The following RNF213 variants were observed in gnomAD, a reference collection of about 807,000 sequenced individuals.
RNF213 encodes the protein ring finger protein 213, also known as E3 ubiquitin-protein ligase RNF213.
In RNF213, 341 loss-of-function variants were observed where a neutral mutation model predicts 514.4. The observed-to-expected ratio is 0.66, with a 90% confidence interval of 0.61 to 0.73. The LOEUF (loss-of-function observed/expected upper bound fraction) is 0.73. Ranked by LOEUF, RNF213 falls within the 30% of genes least tolerant of loss-of-function variation. The pLI, the probability that RNF213 is intolerant of heterozygous loss-of-function variation, is 0.00. For synonymous variants in RNF213, 2,655 were observed against 2,658.2 expected (o/e 1.00, Z 0.04); for missense variants, 5,767 against 6,615.6 (o/e 0.87, Z 4.45).
In RNF213 at chr17:80,376,359, T is replaced by C. The variant is rs760716218; in HGVS notation, c.13244T>C (p.Ile4415Thr). The change falls in exon 52 of 68, where the codon ATC becomes ACC. Residue 4415 changes from isoleucine (I) to threonine (T), a missense_variant. Physicochemically the swap from Ile to Thr is moderately conservative, Grantham distance 89 (BLOSUM62 -1). Coordinates refer to ENST00000582970, the MANE Select transcript of RNF213 (RefSeq NM_001256071.3). ...GECKILSPPD[I>T]SRFATSLVDN... ...TGCAAGATCCTTTCACCTCCTGATA[T>C]CAGCCGTTTTGCAACATCGCTCGTG... 1.2e-6 allele frequency: 2 copies of C among 1,614,222 alleles called. No individual in the cohort carries two copies. The highest frequency in any genetic ancestry group is 1.7e-6 in the Non-Finnish European group (2 of 1,180,022).
chr17:80,339,079 G>GTCTC, intron 25 of RNF213, 122 bp from the exon 26 acceptor site: 1 of 624,458 alleles, frequency 1.6e-6, no homozygotes, highest in Non-Finnish European at 2.5e-6. Flanking sequence ...TGTGAGCGCA[G>GTCTC]ATCATGCAGT....
In RNF213 at chr17:80,298,413, T is replaced by C. The variant is rs1343681289; in HGVS notation, c.2105T>C (p.Met702Thr). The C allele has an allele frequency of 6.2e-7, 1 of 1,614,078 alleles. No individual in the cohort carries two copies. The highest frequency in any genetic ancestry group is 2.2e-5 in the East Asian group (1 of 44,890). Reference protein sequence around the residue: ...LGALPVLHCCMELAPRHKDAW... With the variant: ...LGALPVLHCCTELAPRHKDAW... ...GCCCTGCCTGTCCTGCACTGCTGTA[T>C]GGAGCTGGCCCCGCGGCACAAGGAT... Residue 702 changes from methionine to threonine, a missense_variant, in exon 11 of 68, where the codon ATG becomes ACG. This residue lies in a region of RNF213 where 592 missense variants were observed against 673.9 expected (regional missense o/e 0.88). Transcript: ENST00000582970.
intron 67 of RNF213, among the ~76,000 whole-genome samples, chr17:80,390,886 ACT>A (rs988275162): frequency 1.3e-5 from 2 of 150,824 alleles, no homozygotes; most frequent in African/African-American, 2.4e-5. Context: ...AACTGGTGAA[ACT>A]CTGTTTCTAC....
intron 58 of RNF213, 144 bp from the exon 59 acceptor site, chr17:80,383,533 C>CT (rs2080107736): frequency 5.0e-6 from 4 of 804,690 alleles, no homozygotes; most frequent in Non-Finnish European, 6.2e-6. Context: ...ATTAGAAGAT[C>CT]AAAGGGAATA....
chr17:80,390,784 C>T (rs1393000164), intron 67 of RNF213, among the ~76,000 whole-genome samples: 1 of 152,062 alleles, frequency 6.6e-6, no homozygotes, highest in Admixed American at 6.5e-5. Context: ...CTATCCTAGG[C>T]CGGGTGTGGA....
chr17:80,356,696 C>T (rs1365043263), intron 36 of RNF213, among the ~76,000 whole-genome samples: 4 of 152,272 alleles, frequency 2.6e-5, no homozygotes, highest in Non-Finnish European at 5.9e-5. Flanking sequence ...CCTCTCCCAG[C>T]GCTTGTCCCA....
At chr17:80,330,779 C>T (rs2046391897) in intron 20 of RNF213, among the ~76,000 whole-genome samples, 1 of 152,198 alleles carries the variant, frequency 6.6e-6, no homozygotes, top group Non-Finnish European at 1.5e-5. Context: ...GGTCCACCTG[C>T]TGTGTCAGGG....
At chr17:80,316,623 C>A in intron 15 of RNF213, 1 of 184,720 alleles carries the variant, frequency 5.4e-6, no homozygotes. Flanking sequence ...GTTGCACGTC[C>A]TGAGTGGGAA....
intron 1 of RNF213, among the ~76,000 whole-genome samples, chr17:80,262,663 G>A (rs923890753): frequency 5.3e-5 from 8 of 152,210 alleles, no homozygotes; most frequent in African/African-American, 1.9e-4. Context: ...CTGAGTATGT[G>A]GTTGCTCTGA....
At chr17:80,269,303 T>G (rs756586534) in intron 2 of RNF213, among the ~76,000 whole-genome samples, 2 of 152,110 alleles carry the variant, frequency 1.3e-5, no homozygotes, top group Non-Finnish European at 2.9e-5. Flanking sequence ...TTCAACCCAA[T>G]CAAATTGACA....
At chr17:80,298,289 C>T (rs1028867091) in intron 10 of RNF213, 32 bp from the exon 11 acceptor site, 1 of 1,610,484 alleles carries the variant, frequency 6.2e-7, no homozygotes, top group African/African-American at 1.3e-5. Flanking sequence ...CTGGCCAGCT[C>T]AGCTCACTGC....
intron 50 of RNF213, 34 bp downstream of exon 50, chr17:80,374,623 G>A (rs754028056): frequency 3.1e-6 from 5 of 1,612,798 alleles, no homozygotes; most frequent in Non-Finnish European, 4.2e-6. Context: ...TCTGATACCA[G>A]GTGGCATCCC....
rs988105778 is a variant in RNF213 at position 80,344,678 on chromosome 17, C to A, written c.6343C>A (p.Arg2115Ser). The part of the protein sequence containing the change: ...SVPSRSSSAL[R>S]TRVPQFSFLD... ...TTTCATTAATGTCTCTCCTTTCCAG[C>A]GTACACGTGTACCCCAGTTCAGTTT... is the stretch of plus-strand genomic sequence containing the variant. Residue 2115 changes from arginine (R) to serine (S), a missense_variant and splice_region_variant, in exon 29 of 68, where the codon CGT becomes AGT. Coordinates refer to ENST00000582970, the MANE Select transcript of RNF213 (RefSeq NM_001256071.3). 2 of 1,613,942 alleles carry A rather than the reference C, an allele frequency of 1.2e-6. No individual in the cohort carries two copies. Among genetic ancestry groups the A allele is most frequent in the South Asian group, 1.1e-5 (1 of 91,074 alleles).
At position 80,337,566 on chromosome 17, in the gene RNF213, C is replaced by T. The variant is rs145192984; in HGVS notation, c.4528-20C>T. On this transcript the variant is annotated intron_variant, in intron 23 of 67. Transcript: ENST00000582970. ...CCTCGCTCCAACCGTGGCCCGTGTT[C>T]TCTCCTTTTGTCCCCATAGTGTGAC... is the stretch of plus-strand genomic sequence containing the variant. The T allele has an allele frequency of 1.7e-4, 259 of 1,536,592 alleles. 1 individual carries two copies. In the African/African-American group the frequency reaches 3.0e-3, roughly 18 times the overall value.
At chr17:80,348,426 G>A (rs933363839) in intron 29 of RNF213, 140 bp downstream of exon 29, 15 of 1,221,976 alleles carry the variant, frequency 1.2e-5, no homozygotes, top group Admixed American at 5.5e-5. Context: ...TCTCCTCCGC[G>A]GTAAGTGTGG....
chr17:80,293,714 C>G (rs1051468999), intron 8 of RNF213, among the ~76,000 whole-genome samples: 1 of 152,050 alleles, frequency 6.6e-6, no homozygotes, highest in African/African-American at 2.4e-5. Context: ...GTAGTCCCAG[C>G]TACTCGGGAG....
rs1232207745 is a variant in RNF213 at position 80,386,271 on chromosome 17, A to C, written c.14561A>C (p.Asp4854Ala). The part of the protein sequence containing the change: ...ETNGEINLPK[D>A]YCSTDLDLDT... ...AAAGGTGAGATCAACCTACCCAAAG[A>C]CTACTGCAGCACTGACTTGGATCTG... The change falls in exon 62 of 68, where the codon GAC becomes GCC. Residue 4854 changes from aspartate (D) to alanine (A), a missense_variant. Transcript: ENST00000582970. 3 of 1,610,990 alleles carry C rather than the reference A, an allele frequency of 1.9e-6. No individual in the cohort carries two copies. The highest frequency in any genetic ancestry group is 1.7e-5 in the Admixed American group (1 of 59,996).
In RNF213 at chr17:80,311,823, TA is replaced by T. The variant is rs923575405; in HGVS notation, c.2656-1180del. Among the ~76,000 whole-genome samples, 10 of 151,376 alleles carry T rather than the reference TA, an allele frequency of 6.6e-5. No homozygotes were observed. The South Asian group carries it at 1.5e-3, about 22-fold the overall frequency. On this transcript the variant is annotated intron_variant, in intron 14 of 67. Coordinates refer to ENST00000582970, the MANE Select transcript of RNF213 (RefSeq NM_001256071.3). Reference sequence around the variant, plus strand: ...CTTGCACGATGTGCGGGGCTGTGCTTAAAAAAAAAGATCACACACTTGGCTG... The same window carrying T: ...CTTGCACGATGTGCGGGGCTGTGCTTAAAAAAAAGATCACACACTTGGCTG...
intron 13 of RNF213, among the ~76,000 whole-genome samples, 153 bp downstream of exon 13, chr17:80,307,354 T>C (rs1179935559): frequency 2.0e-5 from 3 of 147,198 alleles, no homozygotes; most frequent in African/African-American, 7.6e-5. Flanking sequence ...TTATTAATAT[T>C]GTCGTCTGTT....
Sources: gnomAD v4.1 joint callset for allele counts (sites outside exome capture counted in the v4.1 genomes callset) on GRCh38, gnomAD v4.1.1 for gene constraint, gnomAD v4.1.1 regional missense constraint, MANE v1.5 for transcripts, NCBI Gene and HGNC (gene_info 2026-07-23, HGNC 2026-07-21) for gene names.